Variants in HIPK2 observed in about 807,000 individuals in gnomAD.
HIPK2 encodes homeodomain interacting protein kinase 2.
HIPK2 carries 27 observed loss-of-function variants against 113.7 expected under a neutral mutation model. The ratio of observed to expected loss-of-function variants is 0.24; its 90% CI spans 0.17 to 0.33. The LOEUF is 0.33. Among genes scored for constraint, HIPK2 ranks in the 10% least tolerant of loss-of-function variants. HIPK2 has a pLI of 1.00. For synonymous variants in HIPK2, 631 were observed against 642.2 expected, an observed-to-expected ratio of 0.98 and a Z score of 0.26; for missense variants, 1,257 against 1,588.0, an observed-to-expected ratio of 0.79 and a Z score of 3.54.
At chr7:139,623,304 A>G (rs992295475) in intron 6 of HIPK2, among the ~76,000 whole-genome samples, 6 of 152,090 alleles carry the variant, frequency 3.9e-5, no homozygotes, top group Admixed American at 2.6e-4. Context: ...TGAGGTCAGG[A>G]GCTCGAGACC....
intron 13 of HIPK2, among the ~76,000 whole-genome samples, chr7:139,580,170 T>C (rs1453872374): frequency 7.9e-5 from 12 of 152,178 alleles, no homozygotes; most frequent in African/African-American, 2.7e-4. Flanking sequence ...GGTCACAGAC[T>C]GTGCTGGGCC....
chr7:139,563,943 TC>T lies in HIPK2; in HGVS notation c.*8983del. The T allele has an allele frequency of 2.5e-6, 1 of 398,542 alleles. No homozygotes were observed. Among genetic ancestry groups the T allele is most frequent in the Non-Finnish European group, 4.4e-6 (1 of 226,054 alleles). The allele number at this position is 398,542 out of a possible 1,614,324, so 24.7% of individuals were successfully genotyped here. The stretch of plus-strand genomic sequence containing the variant: ...AACCAAGACTCAGGGAAACTGCCAT[TC>T]CCCCAGTCTGTTTCTGCATGACAGT... On this transcript the variant is annotated 3_prime_UTR_variant, in exon 15 of 15. Coordinates refer to ENST00000406875, the MANE Select transcript of HIPK2 (RefSeq NM_022740.5).
chr7:139,704,171 C>T (rs1234133975), intron 2 of HIPK2, among the ~76,000 whole-genome samples: 2 of 145,246 alleles, frequency 1.4e-5, no homozygotes, highest in Non-Finnish European at 3.0e-5. Context: ...ACCCCCTCCA[C>T]ACCCACACTA....
At chr7:139,703,923 C>T (rs1794794330) in intron 2 of HIPK2, among the ~76,000 whole-genome samples, 1 of 144,658 alleles carries the variant, frequency 6.9e-6, no homozygotes, top group East Asian at 2.1e-4. Flanking sequence ...CACATACAAC[C>T]CCTCCACACC....
chr7:139,681,012 C>T (rs538185712), intron 2 of HIPK2, among the ~76,000 whole-genome samples: 6 of 152,344 alleles, frequency 3.9e-5, no homozygotes, highest in South Asian at 2.1e-4. Flanking sequence ...TCTTAGCTGG[C>T]GCTGAGTCAC....
chr7:139,583,680 T>C, intron 13 of HIPK2, 137 bp downstream of exon 13: 1 of 1,307,756 alleles, frequency 7.6e-7, no homozygotes, highest in South Asian at 1.5e-5. Flanking sequence ...TTGAATAAAA[T>C]CCTCGGTAAG....
Position 139,716,081 on chromosome 7 carries a change from T to C in HIPK2, c.954A>G (p.Leu318=), listed in dbSNP as rs1337895441. ...GTTTGAGGTCAGCGTGGATAAGACC[T>C]AGGCTTTTGAGTTTCATCAGGGCTG... The part of the protein sequence containing the change: ...VATALMKLKS[L]GLIHADLKPE... Residue 318 remains leucine, a synonymous_variant, in exon 2 of 15, where the codon CTA becomes CTG. Transcript: ENST00000406875. The surrounding 1 kb of genome is among the most constrained non-coding windows in gnomAD (Gnocchi z 9.3). 6.2e-7 allele frequency: 1 copy of C among 1,613,996 alleles called. No individual in the cohort carries two copies. The highest frequency in any genetic ancestry group is 8.5e-7 in the Non-Finnish European group (1 of 1,179,974).
At chr7:139,745,385 G>T (rs1796172888) in intron 1 of HIPK2, among the ~76,000 whole-genome samples, 1 of 152,184 alleles carries the variant, frequency 6.6e-6, no homozygotes, top group Non-Finnish European at 1.5e-5. Flanking sequence ...AAAGGCTAGG[G>T]AGACTGAGGA....
Position 139,716,250 on chromosome 7 carries a change from C to A in HIPK2, c.785G>T (p.Arg262Leu), listed in dbSNP as rs201003985. ...CTTGTGCTGGAAGCATTCGTAGGCCCGGACGAAGTTATAGTCATCGGCACT... is the reference window on the plus strand; with the variant it reads ...CTTGTGCTGGAAGCATTCGTAGGCCAGGACGAAGTTATAGTCATCGGCACT... ...TESADDYNFV[R>L]AYECFQHKNH... is the part of the protein sequence containing the mutation. The change falls in exon 2 of 15, where the codon CGG becomes CTG. Residue 262 changes from arginine to leucine, a missense_variant. This residue lies in a region of HIPK2 where 78 missense variants were observed against 145.7 expected (regional missense o/e 0.54). Coordinates refer to ENST00000406875, the MANE Select transcript of HIPK2 (RefSeq NM_022740.5). This position sits in a 1 kb window ranked among gnomAD's most constrained non-coding sequence, Gnocchi z 9.3. The A allele has an allele frequency of 1.2e-6, 2 of 1,613,922 alleles. No homozygotes were observed. Among genetic ancestry groups the A allele is most frequent in the Non-Finnish European group, 1.7e-6 (2 of 1,179,946 alleles).
rs1798039105 is a variant in HIPK2 at position 139,564,565 on chromosome 7, T to C, written c.*8362A>G. ...CTCACACCTTTTCCCTCCATCTGGA[T>C]TGCCTTTCATGTTCTCTTGAGTTCA... On this transcript the variant is annotated 3_prime_UTR_variant, in exon 15 of 15. Transcript: ENST00000406875. 1 of 152,186 alleles carries C rather than the reference T, an allele frequency of 6.6e-6. No individual in the cohort carries two copies. The highest frequency in any genetic ancestry group is 1.9e-4 in the East Asian group (1 of 5,194). 9.4% of individuals were successfully genotyped at this position (152,186 alleles called of 1,614,324 possible). A position where few individuals can be genotyped will look rare whatever the true frequency, so the allele number is the denominator to read the frequency against.
intron 1 of HIPK2, among the ~76,000 whole-genome samples, chr7:139,758,793 GGCCAAAA>G (rs1260422041): frequency 6.6e-6 from 1 of 151,940 alleles, no homozygotes; most frequent in Non-Finnish European, 1.5e-5. Context: ...CAGTCCCTGG[GGCCAAAA>G]AGGCTAGGAA....
intron 1 of HIPK2, among the ~76,000 whole-genome samples, chr7:139,718,479 T>C (rs952979024): frequency 1.3e-5 from 2 of 152,226 alleles, no homozygotes; most frequent in African/African-American, 4.8e-5. Context: ...TCCTCCTTTA[T>C]TTCCTTCTTC....
intron 2 of HIPK2, among the ~76,000 whole-genome samples, chr7:139,640,548 G>A (rs968899836): frequency 6.6e-6 from 1 of 152,216 alleles, no homozygotes; most frequent in African/African-American, 2.4e-5. Context: ...ACCTTGCAGA[G>A]GCCTGGCATA....
chr7:139,663,330 T>C (rs944836326), intron 2 of HIPK2, among the ~76,000 whole-genome samples: 1 of 152,222 alleles, frequency 6.6e-6, no homozygotes, highest in Non-Finnish European at 1.5e-5. Context: ...GCTTTCTTCC[T>C]AACTAGGAAG....
chr7:139,661,981 A>C (rs1234122585), intron 2 of HIPK2, among the ~76,000 whole-genome samples: 1 of 152,256 alleles, frequency 6.6e-6, no homozygotes, highest in Non-Finnish European at 1.5e-5. Flanking sequence ...GATTATTAAA[A>C]TACACTTGCT....
At position 139,570,017 on chromosome 7, in the gene HIPK2, T is replaced by C. The variant is rs1798211524; in HGVS notation, c.*2910A>G. The stretch of plus-strand genomic sequence containing the variant: ...AGAAAATGTCAGGTGAAAGAGTAAG[T>C]AGCCTCCAACTTAAGCAGACAGAAT... On this transcript the variant is annotated 3_prime_UTR_variant, in exon 15 of 15. Coordinates refer to ENST00000406875, the MANE Select transcript of HIPK2 (RefSeq NM_022740.5). 6.6e-6 allele frequency: 1 copy of C among 152,206 alleles called. No individual in the cohort carries two copies. The highest frequency in any genetic ancestry group is 6.5e-5 in the Admixed American group (1 of 15,280). 9.4% of individuals were successfully genotyped at this position (152,206 alleles called of 1,614,324 possible). A position where few individuals can be genotyped will look rare whatever the true frequency, so the allele number is the denominator to read the frequency against.
intron 2 of HIPK2, among the ~76,000 whole-genome samples, chr7:139,699,310 C>A (rs971685433): frequency 6.6e-6 from 1 of 152,096 alleles, no homozygotes; most frequent in Non-Finnish European, 1.5e-5. Context: ...ATTTCTATGG[C>A]AAAACAAACT....
intron 1 of HIPK2, among the ~76,000 whole-genome samples, chr7:139,736,789 G>A (rs1303304100): frequency 6.6e-6 from 1 of 152,216 alleles, no homozygotes; most frequent in African/African-American, 2.4e-5. Context: ...GGTGCCTCAT[G>A]TTACGCATAA....
chr7:139,653,922 G>A (rs1318793462), intron 2 of HIPK2, among the ~76,000 whole-genome samples: 3 of 152,004 alleles, frequency 2.0e-5, no homozygotes, highest in Non-Finnish European at 2.9e-5. Flanking sequence ...TAGTAGAGAC[G>A]AGGTTTCACC....
Sources: allele counts gnomAD v4.1 joint callset (sites outside exome capture counted in the v4.1 genomes callset), GRCh38; gene constraint gnomAD v4.1.1; regional missense constraint gnomAD v4.1.1; non-coding constraint Gnocchi (gnomAD v3.1); transcripts MANE v1.5; gene names NCBI Gene and HGNC (gene_info 2026-07-23, HGNC 2026-07-21).